The following IHO1 variants were observed in gnomAD, a reference collection of about 807,000 sequenced individuals.
IHO1 encodes interactor of HORMAD1 1.
In IHO1, 13 loss-of-function variants were observed where a neutral mutation model predicts 31.0. The ratio of observed to expected loss-of-function variants is 0.42; its 90% CI spans 0.27 to 0.67. IHO1 has a LOEUF of 0.67. Among genes scored for constraint, IHO1 ranks in the 30% least tolerant of loss-of-function variants. The pLI is 0.24. For missense variants in IHO1, 599 were observed against 687.5 expected (o/e 0.87, Z 1.44); for synonymous variants, 221 against 248.4 (o/e 0.89, Z 1.04).
At chr3:49,236,188 G>A (rs148241725) in intron 2 of IHO1, among the ~76,000 whole-genome samples, 18 of 152,202 alleles carry the variant, frequency 1.2e-4, no homozygotes, top group African/African-American at 3.9e-4. Context: ...CAGCCTGGGC[G>A]ACAGAGTAGG....
intron 2 of IHO1, among the ~76,000 whole-genome samples, chr3:49,223,265 A>C (rs2046376214): frequency 6.6e-6 from 1 of 152,164 alleles, no homozygotes; most frequent in Non-Finnish European, 1.5e-5. Flanking sequence ...TTCTTGTGTT[A>C]GTTTCCTTAA....
At chr3:49,195,925 C>T (rs1369418885), upstream of IHO1, among the ~76,000 whole-genome samples, 3 of 150,340 alleles carry the variant, frequency 2.0e-5, no homozygotes, top group Non-Finnish European at 4.4e-5. Context: ...ACAGTGAAAC[C>T]CCATCTCTAC....
upstream of IHO1, among the ~76,000 whole-genome samples, chr3:49,195,257 T>G (rs1295804390): frequency 1.3e-5 from 2 of 150,494 alleles, no homozygotes; most frequent in Non-Finnish European, 3.0e-5. Context: ...CCGTCTCTAC[T>G]AAAAATACAA....
chr3:49,256,771 TG>T lies in IHO1; in HGVS notation c.1276del (p.Val426Ter). 1 of 1,614,200 alleles carries T rather than the reference TG, an allele frequency of 6.2e-7. No homozygotes were observed. Among genetic ancestry groups the T allele is most frequent in the Non-Finnish European group, 8.5e-7 (1 of 1,180,034 alleles). On this transcript the variant is annotated frameshift_variant, in exon 8 of 8. Transcript: ENST00000452691. LOFTEE classifies it low-confidence loss of function (END_TRUNC). The surrounding 1 kb of genome is among the most constrained non-coding windows in gnomAD (Gnocchi z 4.6). ...TTTTTGTGTGACCCACGTGAACATT[TG>T]GTGATTAAACAGAAAGATGGGACTG... ...SMFLCDPREH[L>X]VIKQKDGTVE...
At chr3:49,247,737 C>T (rs1484054072) in intron 6 of IHO1, among the ~76,000 whole-genome samples, 1 of 151,652 alleles carries the variant, frequency 6.6e-6, no homozygotes, top group East Asian at 1.9e-4. Context: ...TGCTGTGAGC[C>T]AAGATGGTGC....
intron 3 of IHO1, among the ~76,000 whole-genome samples, chr3:49,237,057 A>C (rs190009781): frequency 3.9e-5 from 6 of 152,116 alleles, no homozygotes; most frequent in Admixed American, 2.6e-4. Flanking sequence ...TCTCAAAAAA[A>C]AAACAAACAA....
At chr3:49,214,909 G>A (rs1226960275) in intron 2 of IHO1, among the ~76,000 whole-genome samples, 1 of 151,516 alleles carries the variant, frequency 6.6e-6, no homozygotes, top group Non-Finnish European at 1.5e-5. Flanking sequence ...CAAAGTGCTG[G>A]GATTACAGGC....
At position 49,257,105 on chromosome 3, in the gene IHO1, C is replaced by T. The variant is rs1052776063; in HGVS notation, c.1608C>T (p.Leu536=). 1 of 1,614,046 alleles carries T rather than the reference C, an allele frequency of 6.2e-7. No homozygotes were observed. Among genetic ancestry groups the T allele is most frequent in the African/African-American group, 1.3e-5 (1 of 74,922 alleles). ...CAGTGCAGGGAAGACTCTTGCAGCT[C>T]AGCAGGTGCTCTTCCCAAGACAACT... ...VRAVQGRLLQ[L]SRCSSQDNWL... The change falls in exon 8 of 8, where the codon CTC becomes CTT. Residue 536 remains leucine (L), a synonymous_variant. Coordinates refer to ENST00000452691, the MANE Select transcript of IHO1 (RefSeq NM_001135197.2).
At chr3:49,248,124 C>A (rs1194243391) in intron 6 of IHO1, among the ~76,000 whole-genome samples, 814 of 106,862 alleles carry the variant, frequency 7.6e-3, no homozygotes, top group Non-Finnish European at 9.6e-3. Flanking sequence ...GACTCCATCT[C>A]AAAAAAAAAA....
Position 49,256,283 on chromosome 3 carries a change from A to G in IHO1, c.786A>G (p.Ser262=), listed in dbSNP as rs998644350. ...TAGCAGAGCTGAAGAGATTGATCTC[A>G]GTGCCTCCAGTGAAAGACAGTGCTT... The part of the protein sequence containing the change: ...SVLAELKRLI[S]VPPVKDSASQ... The change falls in exon 8 of 8, where the codon TCA becomes TCG. Residue 262 remains serine, a synonymous_variant. Transcript: ENST00000452691. The surrounding 1 kb of genome is among the most constrained non-coding windows in gnomAD (Gnocchi z 4.6). 7.4e-6 allele frequency: 12 copies of G among 1,614,202 alleles called. No homozygotes were observed. Among genetic ancestry groups the G allele is most frequent in the Non-Finnish European group, 1.0e-5 (12 of 1,180,036 alleles).
intron 2 of IHO1, among the ~76,000 whole-genome samples, chr3:49,224,218 C>T (rs1256144705): frequency 6.6e-6 from 1 of 152,240 alleles, no homozygotes; most frequent in Non-Finnish European, 1.5e-5. Context: ...TCGGGGAATA[C>T]TGGGGCTTAA....
Position 49,256,345 on chromosome 3 carries a change from T to C in IHO1, c.848T>C (p.Leu283Pro). The change falls in exon 8 of 8, where the codon CTC (leucine) becomes CCC (proline). Residue 283 changes from leucine (L) to proline (P), a missense_variant. Transcript: ENST00000452691. The surrounding 1 kb of genome is among the most constrained non-coding windows in gnomAD (Gnocchi z 4.6). ...CCACCTTTGGCCCAGAGCCTCAATC[T>C]CACCAGGCAGGAAAAATACACCTCT... ...TSPPLAQSLNLTRQEKYTSEK... is the reference protein window; with the variant it reads ...TSPPLAQSLNPTRQEKYTSEK... The C allele has an allele frequency of 6.2e-7, 1 of 1,614,072 alleles. No individual in the cohort carries two copies. The highest frequency in any genetic ancestry group is 1.1e-5 in the South Asian group (1 of 91,080).
chr3:49,247,986 G>C (rs538137487), intron 6 of IHO1, among the ~76,000 whole-genome samples: 1 of 151,868 alleles, frequency 6.6e-6, no homozygotes, highest in Non-Finnish European at 1.5e-5. Flanking sequence ...TTAGCCATGC[G>C]TGATGGCTGG....
rs2046841481 is a variant in IHO1, at chr3:49,257,644, T to C, written c.*362T>C. 5.3e-6 allele frequency: 1 copy of C among 189,938 alleles called. No individual in the cohort carries two copies. The highest frequency in any genetic ancestry group is 1.1e-5 in the Non-Finnish European group (1 of 92,046). 11.8% of individuals were successfully genotyped at this position (189,938 alleles called of 1,614,324 possible). A position where few individuals can be genotyped will look rare whatever the true frequency, so the allele number is the denominator to read the frequency against. On this transcript the variant is annotated 3_prime_UTR_variant, in exon 8 of 8. Transcript: ENST00000452691. The stretch of plus-strand genomic sequence containing the variant: ...AAGGGCTCTCATAAAACTGTTGCGG[T>C]GGCAGCATGACTCCAAACAACATTT...
At chr3:49,196,546 G>A (rs1005342699), upstream of IHO1, among the ~76,000 whole-genome samples, 4 of 150,762 alleles carry the variant, frequency 2.7e-5, no homozygotes, top group Admixed American at 2.0e-4. Context: ...GCAATGGCAT[G>A]ACCTCGGCTC....
chr3:49,218,708 G>A (rs564274865), intron 2 of IHO1, among the ~76,000 whole-genome samples: 48 of 152,190 alleles, frequency 3.2e-4, no homozygotes, highest in Non-Finnish European at 6.9e-4. Flanking sequence ...GACAATAGTG[G>A]CATAGAGCCA....
chr3:49,228,955 C>T (rs2046449708), intron 2 of IHO1, among the ~76,000 whole-genome samples: 2 of 152,070 alleles, frequency 1.3e-5, no homozygotes, highest in Admixed American at 1.3e-4. Context: ...ATGACTGGTC[C>T]ATTTTACAGA....
chr3:49,191,787 G>A, the IHO1 span: 18 of 1,548,992 alleles, frequency 1.2e-5, no homozygotes, highest in Admixed American at 3.9e-5. Flanking sequence ...CAAGAAGGGA[G>A]CAGAAAAGGC....
intron 3 of IHO1, among the ~76,000 whole-genome samples, chr3:49,238,209 C>G (rs1454307504): frequency 6.6e-6 from 1 of 151,848 alleles, no homozygotes; most frequent in Admixed American, 6.6e-5. Flanking sequence ...CAGCCTGATT[C>G]TTTGAGATCA....
Sources: allele counts gnomAD v4.1 joint callset (sites outside exome capture counted in the v4.1 genomes callset), GRCh38; gene constraint gnomAD v4.1.1; non-coding constraint Gnocchi (gnomAD v3.1); transcripts MANE v1.5; gene names NCBI Gene and HGNC (gene_info 2026-07-23, HGNC 2026-07-21).